ADAMTS17: variants seen among roughly 807,000 people sequenced by gnomAD.
ADAMTS17 encodes the protein A disintegrin and metalloproteinase with thrombospondin motifs 17.
ADAMTS17 carries 113 observed loss-of-function variants against 141.5 expected under a neutral mutation model. The observed-to-expected ratio is 0.80, with a 90% CI of 0.69 to 0.93. ADAMTS17 has a LOEUF of 0.93. Among genes scored for constraint, ADAMTS17 ranks in the 40% least tolerant of loss-of-function variants. The pLI is 0.00. For synonymous variants in ADAMTS17, 768 were observed against 630.6 expected (o/e 1.22, Z -3.27); for missense variants, 1,659 against 1,517.9 (o/e 1.09, Z -1.54).
At chr15:100,034,017 C>G (rs183840811) in intron 18 of ADAMTS17, among the ~76,000 whole-genome samples, 6 of 152,340 alleles carry the variant, frequency 3.9e-5, no homozygotes, top group Admixed American at 2.0e-4. Context: ...TTACCTTCCA[C>G]TATACACTAG....
At position 99,972,252 on chromosome 15, in the gene ADAMTS17, AAAAAC is replaced by A. The variant is rs1366830977; in HGVS notation, c.*2145_*2149del. ...GGCAACAGAGGGAGACTCTGTCTCA[AAAAAC>A]AACACCGACAACAAAAAGATGAGCT... is the stretch of plus-strand genomic sequence containing the variant. On this transcript the variant is annotated 3_prime_UTR_variant, in exon 22 of 22. Coordinates refer to ENST00000268070, the MANE Select transcript of ADAMTS17 (RefSeq NM_139057.4). 2.0e-5 allele frequency: 3 copies of A among 152,412 alleles called. No homozygotes were observed. The East Asian group carries it at 5.8e-4, about 29-fold the overall frequency. 9.4% of individuals were successfully genotyped at this position (152,412 alleles called of 1,614,324 possible).
At chr15:100,106,791 C>T (rs1332118530) in intron 14 of ADAMTS17, among the ~76,000 whole-genome samples, 5 of 152,236 alleles carry the variant, frequency 3.3e-5, no homozygotes, top group Non-Finnish European at 5.9e-5. Context: ...CAGCCCTGCA[C>T]TTGGCTGGTT....
Position 100,064,549 on chromosome 15 carries a change from C to G in ADAMTS17, c.2138-10495G>C, listed in dbSNP as rs189926037. ...TCCCTGAACATCCGTGGGATGACAG[C>G]AGAAACCAAGCAATTTACCCTATGA... On this transcript the variant is annotated intron_variant, in intron 15 of 21. Coordinates refer to ENST00000268070, the MANE Select transcript of ADAMTS17 (RefSeq NM_139057.4). 7.9e-5 allele frequency among the ~76,000 whole-genome samples: 12 copies of G among 152,334 alleles called. 1 individual carries two copies. Among genetic ancestry groups the G allele is most frequent in the African/African-American group, 2.9e-4 (12 of 41,560 alleles).
At chr15:100,073,104 A>G (rs1171988623) in intron 15 of ADAMTS17, among the ~76,000 whole-genome samples, 3 of 152,246 alleles carry the variant, frequency 2.0e-5, no homozygotes, top group Non-Finnish European at 4.4e-5. Flanking sequence ...TGGGCAAAGG[A>G]TATGAACAGA....
At chr15:100,314,003 A>G (rs527525998) in intron 3 of ADAMTS17, among the ~76,000 whole-genome samples, 5 of 130,366 alleles carry the variant, frequency 3.8e-5, no homozygotes, top group African/African-American at 1.4e-4. Context: ...GTCACCATGA[A>G]GAAACGTCAG....
chr15:100,269,108 C>T (rs2043817489), intron 4 of ADAMTS17, among the ~76,000 whole-genome samples: 1 of 152,178 alleles, frequency 6.6e-6, no homozygotes, highest in South Asian at 2.1e-4. Context: ...CCCTATTTTT[C>T]ACCATATACA....
chr15:100,050,924 C>G (rs894321182), intron 17 of ADAMTS17, among the ~76,000 whole-genome samples: 1 of 152,236 alleles, frequency 6.6e-6, no homozygotes, highest in Non-Finnish European at 1.5e-5. Flanking sequence ...CTCAATGACA[C>G]AACAATAAAC....
chr15:100,269,868 C>T (rs1161621234), intron 4 of ADAMTS17, among the ~76,000 whole-genome samples: 15 of 152,184 alleles, frequency 9.9e-5, no homozygotes. Context: ...ATGCCTCCCT[C>T]TATACCTCCA....
At chr15:100,285,613 G>C (rs2044421105) in intron 3 of ADAMTS17, among the ~76,000 whole-genome samples, 2 of 152,240 alleles carry the variant, frequency 1.3e-5, no homozygotes, top group South Asian at 4.1e-4. Context: ...AGGAAGACCT[G>C]GGGAAGAGTT....
intron 12 of ADAMTS17, among the ~76,000 whole-genome samples, chr15:100,119,543 C>T (rs558589292): frequency 6.7e-4 from 102 of 152,224 alleles, no homozygotes; most frequent in Non-Finnish European, 1.1e-3. Flanking sequence ...AGTTTCCTCG[C>T]CTTTCCAGTA....
At chr15:100,061,479 G>C (rs186797153) in intron 15 of ADAMTS17, among the ~76,000 whole-genome samples, 178 of 152,266 alleles carry the variant, frequency 1.2e-3, no homozygotes, top group African/African-American at 4.2e-3. Context: ...GCTGAGGGAC[G>C]ATCACAAGAG....
At chr15:100,091,461 G>A (rs756860155) in intron 15 of ADAMTS17, among the ~76,000 whole-genome samples, 6 of 152,260 alleles carry the variant, frequency 3.9e-5, no homozygotes, top group African/African-American at 1.2e-4. Flanking sequence ...TGCCTTTGCC[G>A]TGGTTCCAGG....
At chr15:100,130,467 T>C (rs1245188809) in intron 12 of ADAMTS17, among the ~76,000 whole-genome samples, 1 of 152,150 alleles carries the variant, frequency 6.6e-6, no homozygotes, top group Non-Finnish European at 1.5e-5. Context: ...AATTAATACA[T>C]AATGCCAATT....
At chr15:100,227,273 A>T (rs1337839658) in intron 7 of ADAMTS17, among the ~76,000 whole-genome samples, 1 of 152,150 alleles carries the variant, frequency 6.6e-6, no homozygotes, top group Non-Finnish European at 1.5e-5. Context: ...GTTCACCTCA[A>T]CCCAAATAAC....
At chr15:100,329,040 CTT>C (rs1235545001) in intron 3 of ADAMTS17, among the ~76,000 whole-genome samples, 2 of 152,072 alleles carry the variant, frequency 1.3e-5, no homozygotes, top group African/African-American at 4.8e-5. Flanking sequence ...ACCTGGGAGT[CTT>C]TACTTTGCCA....
chr15:100,107,501 G>C (rs1343857205), intron 14 of ADAMTS17, among the ~76,000 whole-genome samples: 1 of 152,198 alleles, frequency 6.6e-6, no homozygotes, highest in South Asian at 2.1e-4. Context: ...GCTGAGGGCA[G>C]AGCGCTCCCT....
rs4965296 is a variant in ADAMTS17 at position 100,262,290 on chromosome 15, G to A, written c.873+62C>T. The A allele has an allele frequency of 0.65, 962,328 of 1,484,050 alleles. 315,565 individuals are homozygous for A. Among genetic ancestry groups the A allele is most frequent in the South Asian group, 0.71 (62,290 of 87,692 alleles). The allele number at this position is 1,484,050 out of a possible 1,614,324, so 91.9% of individuals were successfully genotyped here. A position where few individuals can be genotyped will look rare whatever the true frequency, so the allele number is the denominator to read the frequency against. On this transcript the variant is annotated intron_variant, in intron 5 of 21. Transcript: ENST00000268070. The stretch of plus-strand genomic sequence containing the variant: ...GAGCCCCGCTTAGCATTCAACAGCA[G>A]TTGAGAAGCTCCAGCCCAGCCACAT...
At chr15:100,301,323 T>TTATATATA (rs140913683) in intron 3 of ADAMTS17, among the ~76,000 whole-genome samples, 3 of 145,924 alleles carry the variant, frequency 2.1e-5, no homozygotes, top group East Asian at 4.2e-4. Flanking sequence ...TCTATGTGAG[T>TTATATATA]TATATATATA....
chr15:100,323,671 C>A (rs1393807585), intron 3 of ADAMTS17, among the ~76,000 whole-genome samples: 1 of 151,808 alleles, frequency 6.6e-6, no homozygotes, highest in East Asian at 1.9e-4. Context: ...AAAATAAAAA[C>A]AAAACCAAGC....
Sources: allele counts gnomAD v4.1 joint callset (sites outside exome capture counted in the v4.1 genomes callset), GRCh38; gene constraint gnomAD v4.1.1; transcripts MANE v1.5; gene names NCBI Gene and HGNC (gene_info 2026-07-23, HGNC 2026-07-21).